The following HCK variants were observed in gnomAD, a reference collection of about 807,000 sequenced individuals.
HCK encodes the protein tyrosine-protein kinase HCK.
HCK carries 40 observed loss-of-function variants against 70.4 expected under a neutral mutation model. The observed-to-expected ratio is 0.57, with a 90% CI of 0.44 to 0.74. The LOEUF is 0.74. Ranked by LOEUF, HCK falls within the 30% of genes least tolerant of loss-of-function variation. HCK has a pLI of 0.00. For missense variants in HCK, 568 were observed against 697.2 expected (o/e 0.81, Z 2.09); for synonymous variants, 245 against 263.2 (o/e 0.93, Z 0.67).
In HCK at chr20:32,058,224, C is replaced by T. The variant is rs1252876977; in HGVS notation, c.62+5738C>T. 1.3e-4 allele frequency among the ~76,000 whole-genome samples: 3 copies of T among 23,754 alleles called. 1 individual carries two copies. In the Admixed American group the frequency reaches 2.1e-3, roughly 17 times the overall value. The allele number at this position is 23,754 out of a possible 152,430, so 15.6% of individuals were successfully genotyped here. A position where few individuals can be genotyped will look rare whatever the true frequency, so the allele number is the denominator to read the frequency against. ...TCTTCCCTTTCTGAGCCTCAGTTCC[C>T]AAATCCAAAAAAAAAATGGAACTGA... On this transcript the variant is annotated intron_variant, in intron 1 of 12. Transcript: ENST00000375852.
intron 10 of HCK, among the ~76,000 whole-genome samples, chr20:32,092,249 T>C (rs1288105483): frequency 1.3e-5 from 2 of 151,942 alleles, no homozygotes; most frequent in African/African-American, 4.8e-5. Context: ...GGATTGGGAG[T>C]CCTCAGACTG....
intron 4 of HCK, 50 bp from the exon 5 acceptor site, chr20:32,074,573 G>A (rs1442528105): frequency 2.9e-6 from 4 of 1,373,408 alleles, no homozygotes; most frequent in Non-Finnish European, 3.1e-6. Context: ...TGAGGAGACT[G>A]GAGAATGATC....
At chr20:32,099,595 T>C (rs73248962) in intron 12 of HCK, among the ~76,000 whole-genome samples, 11,527 of 152,010 alleles carry the variant, frequency 0.076, 1,130 homozygotes, top group East Asian at 0.22. Flanking sequence ...TGACCTTAGG[T>C]GATGCGCCTG....
At chr20:32,096,785 A>G (rs2045962320) in intron 11 of HCK, among the ~76,000 whole-genome samples, 1 of 152,110 alleles carries the variant, frequency 6.6e-6, no homozygotes, top group South Asian at 2.1e-4. Context: ...TACAGGCATG[A>G]GCCACTATGC....
chr20:32,082,072 C>T (rs1006402824), intron 6 of HCK, among the ~76,000 whole-genome samples: 1 of 152,186 alleles, frequency 6.6e-6, no homozygotes, highest in Non-Finnish European at 1.5e-5. Flanking sequence ...CTGGAGCCAG[C>T]TGCCTGGATT....
At chr20:32,062,037 T>C (rs914585023) in intron 1 of HCK, among the ~76,000 whole-genome samples, 2 of 150,990 alleles carry the variant, frequency 1.3e-5, no homozygotes, top group Admixed American at 6.6e-5. Context: ...ACTCTGGGGT[T>C]CAAGCGATTC....
At chr20:32,066,092 A>G (rs573126005) in intron 1 of HCK, among the ~76,000 whole-genome samples, 1 of 152,018 alleles carries the variant, frequency 6.6e-6, no homozygotes, top group Non-Finnish European at 1.5e-5. Flanking sequence ...AACTCACTCA[A>G]ACCACTTTGT....
At chr20:32,101,204 A>C in intron 12 of HCK, 113 bp from the exon 13 acceptor site, 1 of 859,184 alleles carries the variant, frequency 1.2e-6, no homozygotes, top group Non-Finnish European at 1.8e-6. Flanking sequence ...GAAGGGGCTC[A>C]GCTTGCAAGG....
At chr20:32,059,279 T>C (rs1231279217) in intron 1 of HCK, among the ~76,000 whole-genome samples, 1 of 145,960 alleles carries the variant, frequency 6.9e-6, no homozygotes, top group Non-Finnish European at 1.5e-5. Context: ...AATGTTTTAA[T>C]CTTCCTTCCT....
Position 32,083,922 on chromosome 20 carries a change from C to A in HCK, c.561C>A (p.Tyr187Ter). ...GCTACTCTTTGTCCGTGCGAGACTA[C>A]GACCCTCGGCAGGGAGATACCGTGA... The change falls in exon 7 of 13, where the codon TAC becomes TAA. Residue 187 changes from tyrosine (Y) to a stop codon, truncating the protein, a stop_gained. Coordinates refer to ENST00000375852, the MANE Select transcript of HCK (RefSeq NM_002110.5). LOFTEE classifies it high-confidence loss of function. 6.2e-7 allele frequency: 1 copy of A among 1,614,156 alleles called. No homozygotes were observed. The highest frequency in any genetic ancestry group is 2.2e-5 in the East Asian group (1 of 44,884).
intron 5 of HCK, among the ~76,000 whole-genome samples, chr20:32,076,460 T>C (rs1356878433): frequency 1.3e-5 from 2 of 152,194 alleles, no homozygotes; most frequent in African/African-American, 2.4e-5. Flanking sequence ...TCTGAACACT[T>C]ACAGAATCCC....
At position 32,073,874 on chromosome 20, in the gene HCK, T is replaced by C. The variant is rs900721488; in HGVS notation, c.329+56T>C. ...GACCTGCCTCCTCTACTCAACTATG[T>C]GCTCTTTTGTGCTTCCATAAAGAAC... On this transcript the variant is annotated intron_variant, in intron 4 of 12. Transcript: ENST00000375852. 7.1e-6 allele frequency: 7 copies of C among 992,616 alleles called. No individual in the cohort carries two copies. In the Admixed American group the frequency reaches 1.0e-4, roughly 14 times the overall value. The allele number at this position is 992,616 out of a possible 1,614,324, so 61.5% of individuals were successfully genotyped here. A position where few individuals can be genotyped will look rare whatever the true frequency, so the allele number is the denominator to read the frequency against.
At chr20:32,094,777 G>GAAAGAAAGAAAGAAAGAAAGAA (rs879408977) in intron 11 of HCK, among the ~76,000 whole-genome samples, 2 of 102,614 alleles carry the variant, frequency 1.9e-5, no homozygotes, top group African/African-American at 4.6e-5. Flanking sequence ...AAGAAAGAAA[G>GAAAGAAAGAAAGAAAGAAAGAA]AGAGAGAAAG....
intron 5 of HCK, among the ~76,000 whole-genome samples, chr20:32,076,427 T>C (rs553268399): frequency 6.6e-6 from 1 of 152,308 alleles, no homozygotes; most frequent in South Asian, 2.1e-4. Context: ...GGTCATCCCA[T>C]GCTCTGTTTC....
chr20:32,094,699 GA>G (rs370528332), intron 11 of HCK, among the ~76,000 whole-genome samples: 4,501 of 68,300 alleles, frequency 0.066, 151 homozygotes, highest in Non-Finnish European at 0.073. Context: ...GAAAAGAAAA[GA>G]AAAGAAAAGA....
chr20:32,088,608 G>A lies in HCK; in HGVS notation c.1056G>A (p.Lys352=). The A allele has an allele frequency of 6.2e-7, 1 of 1,614,102 alleles. No homozygotes were observed. The highest frequency in any genetic ancestry group is 1.3e-5 in the African/African-American group (1 of 75,036). ...TTCTGAAAAGTGATGAGGGCAGCAAGCAGCCATTGCCAAAACTCATTGACT... is the reference window on the plus strand; with the variant it reads ...TTCTGAAAAGTGATGAGGGCAGCAAACAGCCATTGCCAAAACTCATTGACT... Residue 352 remains lysine, a synonymous_variant, in exon 10 of 13, where the codon AAG becomes AAA. Transcript: ENST00000375852.
At chr20:32,094,781 GAGAAAGA>G (rs1569010162) in intron 11 of HCK, among the ~76,000 whole-genome samples, 19 of 89,130 alleles carry the variant, frequency 2.1e-4, no homozygotes, top group African/African-American at 7.5e-4. Flanking sequence ...AAGAAAGAGA[GAGAAAGA>G]GAAAGAAAGA....
At chr20:32,059,601 A>G (rs977605139) in intron 1 of HCK, among the ~76,000 whole-genome samples, 1 of 150,780 alleles carries the variant, frequency 6.6e-6, no homozygotes, top group Non-Finnish European at 1.5e-5. Context: ...TGCAGCCCCA[A>G]CCTCCTGCGC....
rs1176572520 is a variant in HCK, at chr20:32,095,634, G to C, written c.1246+1618G>C. 2.0e-5 allele frequency among the ~76,000 whole-genome samples: 3 copies of C among 152,114 alleles called. No homozygotes were observed. In the East Asian group the frequency reaches 5.8e-4, roughly 29 times the overall value. ...GGTGGTGGGGAGTTGGGAGAAATGAGGAGTGACTTCTGTGGGTTTTTTGCA... is the reference window on the plus strand; with the variant it reads ...GGTGGTGGGGAGTTGGGAGAAATGACGAGTGACTTCTGTGGGTTTTTTGCA... On this transcript the variant is annotated intron_variant, in intron 11 of 12. Transcript: ENST00000375852.
Sources: allele counts gnomAD v4.1 joint callset (sites outside exome capture counted in the v4.1 genomes callset), GRCh38; gene constraint gnomAD v4.1.1; transcripts MANE v1.5; gene names NCBI Gene and HGNC (gene_info 2026-07-23, HGNC 2026-07-21).